ORAI2: variants seen among roughly 807,000 people sequenced by gnomAD.
ORAI2 encodes ORAI calcium release-activated calcium modulator 2, also known as protein orai-2.
A neutral mutation model predicts 16.2 loss-of-function variants in ORAI2; 10 were observed. The ratio of observed to expected loss-of-function variants is 0.62; its 90% confidence interval spans 0.38 to 1.04. The LOEUF is 1.04. ORAI2 is among the 50% of genes least tolerant of loss of function. The probability of loss-of-function intolerance (pLI) is 0.01; values close to 1 mark genes in which losing one functional copy is unlikely to be tolerated. For missense variants in ORAI2, 238 were observed against 355.5 expected (o/e 0.67, Z 2.66); for synonymous variants, 150 against 157.5 (o/e 0.95, Z 0.35).
At chr7:102,434,709 C>T (rs1797016682) in intron 1 of ORAI2, 1 of 152,818 alleles carries the variant, frequency 6.5e-6, no homozygotes, top group South Asian at 2.1e-4. Context: ...GACCGTTCCA[C>T]TCACCAATTT....
At position 102,447,999 on chromosome 7, in the gene ORAI2, GCC is replaced by G. The variant is rs1360786425; in HGVS notation, c.*950_*951del. 2 of 152,362 alleles carry G rather than the reference GCC, an allele frequency of 1.3e-5. No homozygotes were observed. The highest frequency in any genetic ancestry group is 2.9e-5 in the Non-Finnish European group (2 of 68,136). 9.4% of individuals were successfully genotyped at this position (152,362 alleles called of 1,614,324 possible). On this transcript the variant is annotated 3_prime_UTR_variant, in exon 4 of 4. Coordinates refer to ENST00000495936, the MANE Select transcript of ORAI2 (RefSeq NM_001126340.3). ...GCAGGAGGCGGGGGCTCTGGCTCAG[GCC>G]CCGGAGCCTGTGCAGCTTGCCCATG...
At chr7:102,446,374 G>A (rs949928714) in intron 3 of ORAI2, 139 bp from the exon 4 acceptor site, 5 of 776,230 alleles carry the variant, frequency 6.4e-6, no homozygotes, top group African/African-American at 1.8e-5. Flanking sequence ...GAACATGGGT[G>A]AGTCCTGCCA....
intron 3 of ORAI2, among the ~76,000 whole-genome samples, chr7:102,443,050 A>T (rs1797247978): frequency 6.6e-6 from 1 of 151,644 alleles, no homozygotes. Context: ...TTTAAATTTA[A>T]AAAATGCTGC....
intron 3 of ORAI2, among the ~76,000 whole-genome samples, chr7:102,440,069 G>C (rs1234825625): frequency 6.6e-6 from 1 of 152,156 alleles, no homozygotes; most frequent in Non-Finnish European, 1.5e-5. Flanking sequence ...TCAAGAGTGA[G>C]ACTTTGTCTC....
chr7:102,442,156 C>T (rs1797223345), intron 3 of ORAI2, among the ~76,000 whole-genome samples: 1 of 152,182 alleles, frequency 6.6e-6, no homozygotes, highest in African/African-American at 2.4e-5. Flanking sequence ...TGGCTCACGC[C>T]TGTAATCCCA....
chr7:102,444,930 G>C (rs1217609357), intron 3 of ORAI2, among the ~76,000 whole-genome samples: 3 of 152,034 alleles, frequency 2.0e-5, no homozygotes, highest in African/African-American at 7.2e-5. Flanking sequence ...GCCTCCCAAA[G>C]TGCTGGGATT....
rs561599040 is a variant in ORAI2 at position 102,445,141 on chromosome 7, C to T, written c.226-1372C>T. The stretch of plus-strand genomic sequence containing the variant: ...CCTCGGCCTCACTTCCGTCACCTTT[C>T]CCGAGCTTTAGAGATGCCGGCTCTC... On this transcript the variant is annotated intron_variant, in intron 3 of 3. Transcript: ENST00000495936. 8.5e-5 allele frequency among the ~76,000 whole-genome samples: 13 copies of T among 152,388 alleles called. No individual in the cohort carries two copies. In the South Asian group the frequency reaches 2.7e-3, roughly 32 times the overall value.
rs890266844 is a variant in ORAI2, at chr7:102,445,298, T to G, written c.226-1215T>G. Among the ~76,000 whole-genome samples, 37 of 81,408 alleles carry G rather than the reference T, an allele frequency of 4.5e-4. 1 individual carries two copies. Among genetic ancestry groups the G allele is most frequent in the Non-Finnish European group, 4.3e-4 (16 of 37,568 alleles). 53.4% of individuals were successfully genotyped at this position (81,408 alleles called of 152,430 possible). A position where few individuals can be genotyped will look rare whatever the true frequency, so the allele number is the denominator to read the frequency against. On this transcript the variant is annotated intron_variant, in intron 3 of 3. Coordinates refer to ENST00000495936, the MANE Select transcript of ORAI2 (RefSeq NM_001126340.3). ...TTAAAAGGTCAGTTTCCGTTTTTTG[T>G]TTTTTTTTTTTGTCAAGATGGGCTG...
chr7:102,438,873 G>A, intron 2 of ORAI2, 71 bp from the exon 3 acceptor site: 1 of 1,445,652 alleles, frequency 6.9e-7, no homozygotes, highest in Non-Finnish European at 9.7e-7. Flanking sequence ...TAGGTTGAAT[G>A]GGCTTGGAGT....
chr7:102,447,025 G>T lies in ORAI2; in HGVS notation c.738G>T (p.Gly246=). Residue 246 remains glycine (G), a synonymous_variant, in exon 4 of 4, where the codon GGG becomes GGT. Coordinates refer to ENST00000495936, the MANE Select transcript of ORAI2 (RefSeq NM_001126340.3). The part of the protein sequence containing the change: ...ELHKLKVQLD[G]HERSLQVL ...ACAAGCTCAAGGTCCAGCTGGACGG[G>T]CATGAGCGCAGCCTGCAGGTCTTGT... 1 of 1,554,906 alleles carries T rather than the reference G, an allele frequency of 6.4e-7. No individual in the cohort carries two copies.
intron 3 of ORAI2, among the ~76,000 whole-genome samples, chr7:102,444,700 C>G (rs1416678586): frequency 1.4e-5 from 2 of 141,586 alleles, no homozygotes; most frequent in Admixed American, 1.5e-4. Flanking sequence ...AAGTCCTGCT[C>G]TGTCACTTAG....
chr7:102,443,155 G>A (rs978276474), intron 3 of ORAI2, among the ~76,000 whole-genome samples: 11 of 139,236 alleles, frequency 7.9e-5, no homozygotes, highest in Middle Eastern at 3.7e-3. Flanking sequence ...TAATAGAGAT[G>A]GGGTCTCGTT....
chr7:102,435,114 A>G (rs1334837893), intron 1 of ORAI2, among the ~76,000 whole-genome samples: 4 of 152,090 alleles, frequency 2.6e-5, no homozygotes, highest in Admixed American at 1.3e-4. Flanking sequence ...TACCAAAAAT[A>G]CCAAAAATTA....
At chr7:102,435,844 A>T (rs1797045549) in intron 1 of ORAI2, among the ~76,000 whole-genome samples, 1 of 152,220 alleles carries the variant, frequency 6.6e-6, no homozygotes. Flanking sequence ...CATGTTGTCC[A>T]GGCTAGTCTC....
chr7:102,444,018 G>A (rs1178213312), intron 3 of ORAI2, among the ~76,000 whole-genome samples: 1 of 152,088 alleles, frequency 6.6e-6, no homozygotes, highest in Non-Finnish European at 1.5e-5. Flanking sequence ...TCTAGGAAGT[G>A]TTCCCTCACC....
chr7:102,436,304 G>A lies in ORAI2; in HGVS notation c.-43G>A. On this transcript the variant is annotated 5_prime_UTR_variant, in exon 2 of 4. Transcript: ENST00000495936. Reference sequence around the variant, plus strand: ...TGTGCGCAAGGAGATGGGATGGAGAGCCTGAGTTGGCATTCGTATAAATGA... The same window carrying A: ...TGTGCGCAAGGAGATGGGATGGAGAACCTGAGTTGGCATTCGTATAAATGA... The A allele has an allele frequency of 2.0e-6, 2 of 985,420 alleles. No homozygotes were observed. The allele number at this position is 985,420 out of a possible 1,614,324, so 61.0% of individuals were successfully genotyped here. A position where few individuals can be genotyped will look rare whatever the true frequency, so the allele number is the denominator to read the frequency against.
intron 3 of ORAI2, among the ~76,000 whole-genome samples, chr7:102,442,599 A>C (rs1797235443): frequency 6.6e-6 from 1 of 152,116 alleles, no homozygotes; most frequent in Admixed American, 6.6e-5. Context: ...AGGCACGAGA[A>C]TCACTTGAAC....
rs1797126284 is a variant in ORAI2, at chr7:102,438,941, T to C, written c.-13-3T>C. The C allele has an allele frequency of 1.9e-6, 3 of 1,613,584 alleles. No homozygotes were observed. The highest frequency in any genetic ancestry group is 2.5e-6 in the Non-Finnish European group (3 of 1,179,792). The stretch of plus-strand genomic sequence containing the variant: ...TCTGAGCATGTCTCTCTCCCACCCT[T>C]AGCCTGGCTCCCACCATGAGTGCTG... On this transcript the variant is annotated splice_region_variant and splice_polypyrimidine_tract_variant and intron_variant, in intron 2 of 3. Coordinates refer to ENST00000495936, the MANE Select transcript of ORAI2 (RefSeq NM_001126340.3).
chr7:102,456,775 C>T lies in ORAI2; in HGVS notation c.*9723C>T, dbSNP rs118005558. 0.039 allele frequency: 5,891 copies of T among 152,134 alleles called. 134 individuals carry two copies. Among genetic ancestry groups the T allele is most frequent in the Middle Eastern group, 0.068 (20 of 292 alleles). 9.4% of individuals were successfully genotyped at this position (152,134 alleles called of 1,614,324 possible). ...ATGAAGGGACTGGACAGTGAGATAT[C>T]GGGAAACCCCATGAAAATAGATGCA... On this transcript the variant is annotated 3_prime_UTR_variant, in exon 4 of 4. Transcript: ENST00000495936.
Sources: gnomAD v4.1 joint callset for allele counts (sites outside exome capture counted in the v4.1 genomes callset) on GRCh38, gnomAD v4.1.1 for gene constraint, MANE v1.5 for transcripts, NCBI Gene and HGNC (gene_info 2026-07-23, HGNC 2026-07-21) for gene names.